Variants in RDX observed in about 807,000 individuals in gnomAD.
RDX encodes radixin.
Under a neutral mutation model 83.7 loss-of-function variants are expected in RDX, and 32 were observed. That is an observed-to-expected ratio of 0.38 (90% CI 0.29 to 0.51). The LOEUF is 0.51. Ranked by LOEUF, RDX falls within the 20% of genes least tolerant of loss-of-function variation. RDX has a pLI of 0.87. For missense variants in RDX, 600 were observed against 689.9 expected, an observed-to-expected ratio of 0.87 and a Z score of 1.46; for synonymous variants, 229 against 222.7, an observed-to-expected ratio of 1.03 and a Z score of -0.25.
chr11:110,238,579 T>C (rs994482325), intron 10 of RDX, among the ~76,000 whole-genome samples: 2 of 152,186 alleles, frequency 1.3e-5, no homozygotes, highest in African/African-American at 2.4e-5. Flanking sequence ...CTTACTGTTC[T>C]TAATTTTCTT....
chr11:110,266,939 C>A (rs908625911), intron 3 of RDX, among the ~76,000 whole-genome samples: 1 of 151,974 alleles, frequency 6.6e-6, no homozygotes. Context: ...CACTCTGTCA[C>A]CCAGGCTGGA....
intron 5 of RDX, among the ~76,000 whole-genome samples, chr11:110,260,548 T>C (rs1450365734): frequency 2.6e-5 from 4 of 152,202 alleles, no homozygotes; most frequent in Non-Finnish European, 5.9e-5. Context: ...TTCCAGTGAT[T>C]CTCAGGTCTC....
chr11:110,257,151 GTATATGTAAATATACATA>G (rs1438382374), intron 7 of RDX, among the ~76,000 whole-genome samples: 2 of 150,994 alleles, frequency 1.3e-5, no homozygotes, highest in East Asian at 3.9e-4. Flanking sequence ...ACATATACAT[GTATATGTAAATATACATA>G]TATTATACAT....
At chr11:110,237,899 G>A (rs1487196195) in intron 10 of RDX, 26 of 533,186 alleles carry the variant, frequency 4.9e-5, no homozygotes, top group South Asian at 2.7e-4. Flanking sequence ...AGCCTCCCAA[G>A]TAGCTAGGAC....
At chr11:110,201,729 G>A (rs1252086272) in intron 14 of RDX, among the ~76,000 whole-genome samples, 1 of 152,026 alleles carries the variant, frequency 6.6e-6, no homozygotes, top group South Asian at 2.1e-4. Context: ...AATAAGGGAC[G>A]CAAACCTAGT....
intron 10 of RDX, among the ~76,000 whole-genome samples, chr11:110,246,270 G>C (rs542601831): frequency 5.3e-5 from 8 of 152,228 alleles, no homozygotes; most frequent in Admixed American, 1.3e-4. Context: ...ATCAGCTTGC[G>C]CATTTATAGC....
At chr11:110,266,949 A>G (rs553337977) in intron 3 of RDX, among the ~76,000 whole-genome samples, 4 of 152,038 alleles carry the variant, frequency 2.6e-5, no homozygotes, top group African/African-American at 9.6e-5. Context: ...CCCAGGCTGG[A>G]GTGCAGTGGT....
At chr11:110,237,831 G>T in intron 10 of RDX, 179 bp from the exon 11 acceptor site, 1 of 724,630 alleles carries the variant, frequency 1.4e-6, no homozygotes, top group Non-Finnish European at 2.4e-6. Flanking sequence ...TGCCCAGGCT[G>T]AAGTGCAGAA....
At chr11:110,204,140 G>A (rs1863516320) in intron 14 of RDX, among the ~76,000 whole-genome samples, 1 of 152,160 alleles carries the variant, frequency 6.6e-6, no homozygotes, top group East Asian at 1.9e-4. Flanking sequence ...TTTATGGATG[G>A]AGAAGACTGA....
downstream of RDX, among the ~76,000 whole-genome samples, chr11:110,227,650 G>T (rs747574110): frequency 6.6e-6 from 1 of 152,090 alleles, no homozygotes; most frequent in Non-Finnish European, 1.5e-5. Flanking sequence ...GTTAATATTT[G>T]AAGTCCCCTA....
rs113544444 is a variant in RDX at position 110,290,803 on chromosome 11, A to C, written c.-65+5664T>G. 3.6e-4 allele frequency among the ~76,000 whole-genome samples: 55 copies of C among 150,698 alleles called. 1 individual carries two copies. The highest frequency in any genetic ancestry group is 1.1e-3 in the African/African-American group (45 of 40,736). On this transcript the variant is annotated intron_variant, in intron 1 of 13. Transcript: ENST00000645495. ...AGCAGCCATAGATAATATGTAAACAAGTCAGCTACGATGTGTTCAAATAAA... is the reference window on the plus strand; with the variant it reads ...AGCAGCCATAGATAATATGTAAACACGTCAGCTACGATGTGTTCAAATAAA...
chr11:110,257,061 A>T (rs1259970727), intron 7 of RDX, among the ~76,000 whole-genome samples: 1 of 151,942 alleles, frequency 6.6e-6, no homozygotes, highest in East Asian at 1.9e-4. Flanking sequence ...GAAAAGTAAG[A>T]GTCTGATGTA....
intron 1 of RDX, among the ~76,000 whole-genome samples, chr11:110,281,583 T>A (rs2134427477): frequency 6.6e-6 from 1 of 152,240 alleles, no homozygotes; most frequent in Admixed American, 6.5e-5. Context: ...GGCCTTGGCC[T>A]CCCGAAGTGC....
At chr11:110,184,120 G>A (rs1862939658) in intron 15 of RDX, among the ~76,000 whole-genome samples, 1 of 152,234 alleles carries the variant, frequency 6.6e-6, no homozygotes, top group Middle Eastern at 3.2e-3. Flanking sequence ...GAGCACGTGA[G>A]AGCCCAAGGG....
chr11:110,244,423 C>T (rs1029093589), intron 10 of RDX, among the ~76,000 whole-genome samples: 5 of 129,734 alleles, frequency 3.9e-5, no homozygotes, highest in Admixed American at 3.1e-4. Context: ...ACAATATGAA[C>T]GAAACTTTAG....
chr11:110,283,843 T>C (rs1447613646), intron 1 of RDX, among the ~76,000 whole-genome samples: 1 of 149,180 alleles, frequency 6.7e-6, no homozygotes, highest in Non-Finnish European at 1.5e-5. Context: ...AATCTCTACA[T>C]AGGTAAAATA....
chr11:110,285,214 C>G (rs765653668), intron 1 of RDX, among the ~76,000 whole-genome samples: 1 of 151,356 alleles, frequency 6.6e-6, no homozygotes, highest in Non-Finnish European at 1.5e-5. Flanking sequence ...TAGTGAAACC[C>G]GGTCTCTACT....
At chr11:110,215,399 AATAAATAAATAAAAT>A (rs1356034764) in intron 14 of RDX, among the ~76,000 whole-genome samples, 1 of 150,402 alleles carries the variant, frequency 6.6e-6, no homozygotes, top group Non-Finnish European at 1.5e-5. Context: ...TAAATAAATA[AATAAATAAATAAAAT>A]AATAATAATG....
At chr11:110,275,604 G>A (rs1202311335) in intron 2 of RDX, among the ~76,000 whole-genome samples, 1 of 152,070 alleles carries the variant, frequency 6.6e-6, no homozygotes, top group Non-Finnish European at 1.5e-5. Context: ...TTTAACGTAG[G>A]AAGTCTTTAT....
Sources: gnomAD v4.1 joint callset for allele counts (sites outside exome capture counted in the v4.1 genomes callset) on GRCh38, gnomAD v4.1.1 for gene constraint, MANE v1.5 for transcripts, NCBI Gene and HGNC (gene_info 2026-07-23, HGNC 2026-07-21) for gene names.